PTPRD: variants seen among roughly 807,000 people sequenced by gnomAD.
The protein encoded by PTPRD is receptor-type tyrosine-protein phosphatase delta.
A neutral mutation model predicts 214.5 loss-of-function variants in PTPRD; 34 were observed. The ratio of observed to expected loss-of-function variants is 0.16; its 90% CI spans 0.12 to 0.21. PTPRD has a LOEUF of 0.21. Ranked by LOEUF, PTPRD falls within the 10% of genes least tolerant of loss-of-function variation. The pLI, the probability that PTPRD is intolerant of heterozygous loss-of-function variation, is 1.00. For synonymous variants in PTPRD, 1,128 were observed against 845.7 expected (o/e 1.33, Z -5.79); for missense variants, 2,545 against 2,398.7 (o/e 1.06, Z -1.27).
intron 32 of PTPRD, among the ~76,000 whole-genome samples, chr9:8,462,192 C>A (rs1412100320): frequency 6.6e-6 from 1 of 151,960 alleles, no homozygotes; most frequent in Non-Finnish European, 1.5e-5. Context: ...TTCCCTTCCT[C>A]CTCACTTCCC....
At chr9:8,512,239 A>G (rs1169245349) in intron 21 of PTPRD, among the ~76,000 whole-genome samples, 1 of 152,132 alleles carries the variant, frequency 6.6e-6, no homozygotes, top group African/African-American at 2.4e-5. Flanking sequence ...GCAAAATTCA[A>G]AACAAAGAGT....
intron 3 of PTPRD, among the ~76,000 whole-genome samples, chr9:10,312,484 ACT>A (rs2096293387): frequency 6.6e-6 from 1 of 151,840 alleles, no homozygotes; most frequent in Non-Finnish European, 1.5e-5. Context: ...CAATAGGAAA[ACT>A]CTAATAAGGT....
At chr9:9,102,552 A>C (rs2099792818) in intron 10 of PTPRD, among the ~76,000 whole-genome samples, 1 of 152,262 alleles carries the variant, frequency 6.6e-6, no homozygotes, top group South Asian at 2.1e-4. Flanking sequence ...TCAATCAGAA[A>C]GATAACAACT....
At chr9:8,933,340 G>GTTTTGTTTTTTTTTTTTTTTTTTTT (rs2098966631) in intron 11 of PTPRD, among the ~76,000 whole-genome samples, 1 of 80,430 alleles carries the variant, frequency 1.2e-5, no homozygotes, top group African/African-American at 5.1e-5. Flanking sequence ...CAACCTTGAG[G>GTTTTGTTTTTTTTTTTTTTTTTTTT]TTTTTTTTTT....
chr9:9,133,296 T>A (rs1289682847), intron 10 of PTPRD, among the ~76,000 whole-genome samples: 1 of 152,190 alleles, frequency 6.6e-6, no homozygotes, highest in Non-Finnish European at 1.5e-5. Context: ...ATTCTTACGA[T>A]GTTCCAGGCT....
intron 9 of PTPRD, among the ~76,000 whole-genome samples, chr9:9,385,979 C>T (rs2063746538): frequency 6.6e-6 from 1 of 152,076 alleles, no homozygotes; most frequent in African/African-American, 2.4e-5. Context: ...CTATTTGCTT[C>T]TGGAATAGCT....
At chr9:9,733,511 A>G (rs1439590387) in intron 7 of PTPRD, among the ~76,000 whole-genome samples, 3 of 152,198 alleles carry the variant, frequency 2.0e-5, no homozygotes, top group Non-Finnish European at 2.9e-5. Context: ...CCACATGGAA[A>G]TGAAATGATT....
At chr9:9,660,270 G>C (rs575818895) in intron 7 of PTPRD, among the ~76,000 whole-genome samples, 1 of 152,062 alleles carries the variant, frequency 6.6e-6, no homozygotes, top group African/African-American at 2.4e-5. Context: ...GTGGAGGACT[G>C]ACATGGCTTG....
At chr9:9,688,581 A>G (rs1469809778) in intron 7 of PTPRD, among the ~76,000 whole-genome samples, 1 of 152,054 alleles carries the variant, frequency 6.6e-6, no homozygotes, top group East Asian at 1.9e-4. Context: ...TAAAGAAAAT[A>G]TGAGTACGAC....
intron 11 of PTPRD, among the ~76,000 whole-genome samples, chr9:8,887,803 A>G (rs1048837521): frequency 2.6e-5 from 4 of 152,202 alleles, no homozygotes; most frequent in African/African-American, 9.6e-5. Flanking sequence ...AAAACTTTAG[A>G]ATACACAGAA....
At chr9:9,841,939 C>T (rs551667455) in intron 5 of PTPRD, among the ~76,000 whole-genome samples, 1 of 151,902 alleles carries the variant, frequency 6.6e-6, no homozygotes, top group South Asian at 2.1e-4. Context: ...CACATAAGTA[C>T]TCATGTTAAA....
At chr9:8,432,044 T>C (rs1200464655) in intron 35 of PTPRD, among the ~76,000 whole-genome samples, 1 of 152,204 alleles carries the variant, frequency 6.6e-6, no homozygotes, top group Non-Finnish European at 1.5e-5. Context: ...ACTTCTTCCT[T>C]GGAATTTCAA....
At chr9:10,151,223 G>A (rs150500784) in intron 3 of PTPRD, among the ~76,000 whole-genome samples, 359 of 118,986 alleles carry the variant, frequency 3.0e-3, no homozygotes, top group Non-Finnish European at 4.8e-3. Context: ...ACCATGCCCT[G>A]CTAATTTTTG....
chr9:8,599,895 G>C (rs2094729466), intron 14 of PTPRD, among the ~76,000 whole-genome samples: 1 of 152,106 alleles, frequency 6.6e-6, no homozygotes, highest in Non-Finnish European at 1.5e-5. Context: ...GGAATTTACA[G>C]GCATGAGCCA....
chr9:9,714,117 T>C (rs894418341), intron 7 of PTPRD, among the ~76,000 whole-genome samples: 2 of 149,708 alleles, frequency 1.3e-5, no homozygotes, highest in African/African-American at 4.9e-5. Context: ...AAAATTTGAA[T>C]ACAAGGGACA....
At chr9:8,359,087 C>A (rs1258877884) in intron 39 of PTPRD, among the ~76,000 whole-genome samples, 5 of 119,906 alleles carry the variant, frequency 4.2e-5, no homozygotes, top group African/African-American at 1.8e-4. Flanking sequence ...CCACCTGGGC[C>A]ACAGAGCGAG....
intron 9 of PTPRD, among the ~76,000 whole-genome samples, chr9:9,261,526 G>A (rs1245315117): frequency 2.0e-5 from 3 of 151,766 alleles, no homozygotes; most frequent in African/African-American, 7.3e-5. Context: ...TTGCCAGAAG[G>A]ATGGCATAAA....
intron 7 of PTPRD, among the ~76,000 whole-genome samples, chr9:9,679,917 A>C (rs2097029303): frequency 6.6e-6 from 1 of 151,950 alleles, no homozygotes; most frequent in African/African-American, 2.4e-5. Flanking sequence ...GTGCTTATAC[A>C]AATAGCAAAA....
At chr9:9,619,972 T>C (rs1376741986) in intron 7 of PTPRD, among the ~76,000 whole-genome samples, 1 of 151,554 alleles carries the variant, frequency 6.6e-6, no homozygotes, top group Non-Finnish European at 1.5e-5. Context: ...CACATATATA[T>C]GGAGAAAGAG....
Sources: allele counts gnomAD v4.1 joint callset (sites outside exome capture counted in the v4.1 genomes callset), GRCh38; gene constraint gnomAD v4.1.1; transcripts MANE v1.5; gene names NCBI Gene and HGNC (gene_info 2026-07-23, HGNC 2026-07-21).